PRKAA2: variants seen among roughly 807,000 people sequenced by gnomAD.
PRKAA2 encodes protein kinase AMP-activated catalytic subunit alpha 2, also known as 5'-AMP-activated protein kinase catalytic subunit alpha-2.
In PRKAA2, 40 loss-of-function variants were observed where a neutral mutation model predicts 56.3. The observed-to-expected ratio is 0.71, with a 90% CI of 0.55 to 0.92. PRKAA2 has a LOEUF of 0.92. Ranked by LOEUF, PRKAA2 falls within the 40% of genes least tolerant of loss-of-function variation. PRKAA2 has a pLI of 0.00. For synonymous variants in PRKAA2, 214 were observed against 234.2 expected (o/e 0.91, Z 0.79); for missense variants, 542 against 686.9 (o/e 0.79, Z 2.36).
At chr1:56,660,753 T>C (rs929940460) in intron 1 of PRKAA2, among the ~76,000 whole-genome samples, 3 of 152,214 alleles carry the variant, frequency 2.0e-5, no homozygotes, top group Non-Finnish European at 4.4e-5. Context: ...TCCAGTTTGC[T>C]CACTTGTAAA....
At position 56,690,500 on chromosome 1, in the gene PRKAA2, T is replaced by C. The variant is rs184826255; in HGVS notation, c.237-894T>C. ...ATCTTAATTAAAATAATTAACAACA[T>C]TATCCACCACTAATCAGCATGTAGA... is the stretch of plus-strand genomic sequence containing the variant. On this transcript the variant is annotated intron_variant, in intron 2 of 8. Transcript: ENST00000371244. 2.4e-3 allele frequency among the ~76,000 whole-genome samples: 367 copies of C among 152,320 alleles called. 4 individuals are homozygous for C. The highest frequency in any genetic ancestry group is 1.4e-3 in the Non-Finnish European group (97 of 68,024).
intron 1 of PRKAA2, among the ~76,000 whole-genome samples, chr1:56,659,828 G>C (rs1330764802): frequency 6.6e-6 from 1 of 152,076 alleles, no homozygotes; most frequent in African/African-American, 2.4e-5. Flanking sequence ...GGATCGCTTA[G>C]GCCTGGGAGG....
intron 1 of PRKAA2, among the ~76,000 whole-genome samples, chr1:56,672,102 T>A (rs539710414): frequency 1.5e-3 from 227 of 152,106 alleles, no homozygotes; most frequent in African/African-American, 5.3e-3. Context: ...GAATGCTGAA[T>A]GTGGTTTTTT....
chr1:56,700,901 C>T (rs72668327), intron 6 of PRKAA2, among the ~76,000 whole-genome samples: 4,426 of 152,184 alleles, frequency 0.029, 118 homozygotes, highest in East Asian at 0.12. Flanking sequence ...TTCAAGGCTG[C>T]CCAGGAGCTG....
intron 7 of PRKAA2, 103 bp from the exon 8 acceptor site, chr1:56,705,989 A>C: frequency 6.1e-5 from 55 of 897,008 alleles, no homozygotes; most frequent in Non-Finnish European, 8.6e-5. Flanking sequence ...AATTATTCGT[A>C]TTCCTTTCCT....
At chr1:56,675,690 A>G (rs999549400) in intron 2 of PRKAA2, among the ~76,000 whole-genome samples, 1 of 152,160 alleles carries the variant, frequency 6.6e-6, no homozygotes, top group African/African-American at 2.4e-5. Context: ...ACAAAGCCCT[A>G]TGTATAAACT....
intron 1 of PRKAA2, among the ~76,000 whole-genome samples, chr1:56,661,837 C>G (rs1366623193): frequency 6.6e-6 from 1 of 151,880 alleles, no homozygotes; most frequent in Non-Finnish European, 1.5e-5. Context: ...AGATGCAATA[C>G]TTTTGAATCC....
In PRKAA2 at chr1:56,704,433, T is replaced by A; in HGVS notation, c.1251T>A (p.Ala417=). The change falls in exon 7 of 9, where the codon GCT becomes GCA. Residue 417 remains alanine, a synonymous_variant. Coordinates refer to ENST00000371244, the MANE Select transcript of PRKAA2 (RefSeq NM_006252.4). Reference sequence around the variant, plus strand: ...AGAGCAAACCGTATGACATTATGGCTGAAGTTTACCGAGCTATGAAGCAGC... The same window carrying A: ...AGAGCAAACCGTATGACATTATGGCAGAAGTTTACCGAGCTATGAAGCAGC... ...RSQSKPYDIM[A]EVYRAMKQLD... 1 of 1,610,712 alleles carries A rather than the reference T, an allele frequency of 6.2e-7. No homozygotes were observed. The highest frequency in any genetic ancestry group is 2.2e-5 in the East Asian group (1 of 44,864).
intron 1 of PRKAA2, 41 bp from the exon 2 acceptor site, chr1:56,674,340 T>C: frequency 6.8e-7 from 1 of 1,477,624 alleles, no homozygotes. Flanking sequence ...ATGATTATGT[T>C]GATATGATAG....
chr1:56,683,166 T>A (rs991971165), intron 2 of PRKAA2, among the ~76,000 whole-genome samples: 2 of 149,264 alleles, frequency 1.3e-5, no homozygotes, highest in African/African-American at 4.9e-5. Flanking sequence ...GGTGTCATTT[T>A]CTGAGATGGA....
Position 56,696,096 on chromosome 1 carries a change from C to G in PRKAA2, c.725C>G (p.Ala242Gly). The G allele has an allele frequency of 6.2e-7, 1 of 1,613,498 alleles. No individual in the cohort carries two copies. The highest frequency in any genetic ancestry group is 1.1e-5 in the South Asian group (1 of 91,010). ...YIPEYLNRSV[A>G]TLLMHMLQVD... ...CCAGAATATCTCAATCGTTCTGTCG[C>G]CACTCTCCTGATGCATATGCTGCAG... The change falls in exon 6 of 9, where the codon GCC becomes GGC. Residue 242 changes from alanine to glycine, a missense_variant. Transcript: ENST00000371244.
rs1044274860 is a variant in PRKAA2, at chr1:56,709,280, A to G, written c.*1567A>G. ...GTGTTAGTGGAAAACAAGTGTGTCTATCTTTAAATATTCTTTGAATCAGGA... is the reference window on the plus strand; with the variant it reads ...GTGTTAGTGGAAAACAAGTGTGTCTGTCTTTAAATATTCTTTGAATCAGGA... On this transcript the variant is annotated 3_prime_UTR_variant, in exon 9 of 9. Transcript: ENST00000371244. The G allele has an allele frequency of 2.6e-5, 4 of 152,162 alleles. No homozygotes were observed. Among genetic ancestry groups the G allele is most frequent in the South Asian group, 2.1e-4 (1 of 4,826 alleles). 9.4% of individuals were successfully genotyped at this position (152,162 alleles called of 1,614,324 possible). A position where few individuals can be genotyped will look rare whatever the true frequency, so the allele number is the denominator to read the frequency against.
At position 56,707,992 on chromosome 1, in the gene PRKAA2, C is replaced by T. The variant is rs1207534346; in HGVS notation, c.*279C>T. 2.4e-6 allele frequency: 1 copy of T among 416,072 alleles called. No homozygotes were observed. The highest frequency in any genetic ancestry group is 2.0e-5 in the African/African-American group (1 of 49,696). 25.8% of individuals were successfully genotyped at this position (416,072 alleles called of 1,614,324 possible). On this transcript the variant is annotated 3_prime_UTR_variant, in exon 9 of 9. Transcript: ENST00000371244. ...ATTTTTAATTACAATAATGAGTTCA[C>T]TACAGACGATTAACACACCACACTG...
chr1:56,710,506 T>C lies in PRKAA2; in HGVS notation c.*2793T>C, dbSNP rs1020231324. 1 of 152,112 alleles carries C rather than the reference T, an allele frequency of 6.6e-6. No individual in the cohort carries two copies. Among genetic ancestry groups the C allele is most frequent in the African/African-American group, 2.4e-5 (1 of 41,446 alleles). The allele number at this position is 152,112 out of a possible 1,614,324, so 9.4% of individuals were successfully genotyped here. On this transcript the variant is annotated 3_prime_UTR_variant, in exon 9 of 9. Coordinates refer to ENST00000371244, the MANE Select transcript of PRKAA2 (RefSeq NM_006252.4). ...ATGAAAAGCAAATTTGGGAAATACA[T>C]TTTTTAGGAAAATACTGTCCCAGAA... is the stretch of plus-strand genomic sequence containing the variant.
chr1:56,654,655 A>G (rs1643926681), intron 1 of PRKAA2, among the ~76,000 whole-genome samples: 1 of 152,132 alleles, frequency 6.6e-6, no homozygotes, highest in African/African-American at 2.4e-5. Flanking sequence ...ATGAAAAGCA[A>G]TGTGTTTATT....
In PRKAA2 at chr1:56,710,910, T is replaced by C. The variant is rs1305841160; in HGVS notation, c.*3197T>C. On this transcript the variant is annotated 3_prime_UTR_variant, in exon 9 of 9. Coordinates refer to ENST00000371244, the MANE Select transcript of PRKAA2 (RefSeq NM_006252.4). ...TGAACATTTTCTAAATACTTTTCTTTGGGATACCATATGAAGATCTAATTC... is the reference window on the plus strand; with the variant it reads ...TGAACATTTTCTAAATACTTTTCTTCGGGATACCATATGAAGATCTAATTC... 2 of 152,134 alleles carry C rather than the reference T, an allele frequency of 1.3e-5. No individual in the cohort carries two copies. Among genetic ancestry groups the C allele is most frequent in the Admixed American group, 1.3e-4 (2 of 15,274 alleles). 9.4% of individuals were successfully genotyped at this position (152,134 alleles called of 1,614,324 possible).
At chr1:56,662,113 G>C (rs2100391147) in intron 1 of PRKAA2, among the ~76,000 whole-genome samples, 1 of 152,134 alleles carries the variant, frequency 6.6e-6, no homozygotes, top group Non-Finnish European at 1.5e-5. Flanking sequence ...CTCCCATGTA[G>C]TAAAGATTGA....
At chr1:56,685,003 C>A (rs1644181308) in intron 2 of PRKAA2, among the ~76,000 whole-genome samples, 1 of 152,118 alleles carries the variant, frequency 6.6e-6, no homozygotes. Flanking sequence ...GGGAGATAAT[C>A]CAGTGCATAA....
chr1:56,649,985 C>T (rs1646673902), intron 1 of PRKAA2, among the ~76,000 whole-genome samples: 1 of 152,016 alleles, frequency 6.6e-6, no homozygotes, highest in South Asian at 2.1e-4. Context: ...ATCCCAGCTA[C>T]TTGGGAAGCT....
Sources: gnomAD v4.1 joint callset for allele counts (sites outside exome capture counted in the v4.1 genomes callset) on GRCh38, gnomAD v4.1.1 for gene constraint, MANE v1.5 for transcripts, NCBI Gene and HGNC (gene_info 2026-07-23, HGNC 2026-07-21) for gene names.